The following LRRC4C variants were observed in gnomAD, a reference collection of about 807,000 sequenced individuals.
LRRC4C encodes leucine-rich repeat-containing protein 4C.
Under a neutral mutation model 33.6 loss-of-function variants are expected in LRRC4C, and 5 were observed. The observed-to-expected ratio is 0.15, with a 90% CI of 0.08 to 0.31. The LOEUF is 0.31. Ranked by LOEUF, LRRC4C falls within the 10% of genes least tolerant of loss-of-function variation. The probability of loss-of-function intolerance (pLI) is 1.00; values close to 1 mark genes in which losing one functional copy is unlikely to be tolerated. For synonymous variants in LRRC4C, 329 were observed against 302.0 expected (o/e 1.09, Z -0.93); for missense variants, 560 against 796.7 (o/e 0.70, Z 3.58).
At chr11:40,736,120 A>G (rs1460658478) in intron 2 of LRRC4C, among the ~76,000 whole-genome samples, 1 of 152,000 alleles carries the variant, frequency 6.6e-6, no homozygotes, top group East Asian at 1.9e-4. Context: ...CCCATCAAGC[A>G]GTCATTTACA....
In LRRC4C at chr11:41,131,629, A is replaced by G. The variant is rs192871112; in HGVS notation, c.-495-197906T>C. On this transcript the variant is annotated intron_variant, in intron 1 of 6. Coordinates refer to ENST00000528697, the MANE Select transcript of LRRC4C (RefSeq NM_001258419.2). Reference sequence around the variant, plus strand: ...ACTAAGTAAAATAAGGCTGAGACCTACAGGGCTGCATTCCCAGGAGGTTAG... The same window carrying G: ...ACTAAGTAAAATAAGGCTGAGACCTGCAGGGCTGCATTCCCAGGAGGTTAG... 2.6e-5 allele frequency among the ~76,000 whole-genome samples: 4 copies of G among 152,090 alleles called. No homozygotes were observed. In the East Asian group the frequency reaches 7.7e-4, roughly 29 times the overall value.
intron 1 of LRRC4C, among the ~76,000 whole-genome samples, chr11:41,154,038 G>C (rs776092003): frequency 7.9e-5 from 12 of 152,262 alleles, no homozygotes; most frequent in Admixed American, 2.6e-4. Context: ...GTCACCTAGA[G>C]CTTGAAACGG....
chr11:41,442,470 T>TC (rs1590293973), intron 1 of LRRC4C, among the ~76,000 whole-genome samples: 3 of 124,208 alleles, frequency 2.4e-5, no homozygotes, highest in South Asian at 3.0e-4. Flanking sequence ...TTTTTTTTTT[T>TC]TTTTTTTTTT....
At chr11:40,882,575 C>A (rs1955237939) in intron 2 of LRRC4C, among the ~76,000 whole-genome samples, 1 of 152,030 alleles carries the variant, frequency 6.6e-6, no homozygotes, top group African/African-American at 2.4e-5. Flanking sequence ...CTTGGAACTT[C>A]CATTTTTTTC....
intron 3 of LRRC4C, among the ~76,000 whole-genome samples, chr11:40,340,419 C>T (rs1278002930): frequency 6.6e-6 from 1 of 152,148 alleles, no homozygotes; most frequent in African/African-American, 2.4e-5. Context: ...CTTTTACCCA[C>T]CTTGCTCACT....
At chr11:41,090,997 C>T (rs572205855) in intron 1 of LRRC4C, among the ~76,000 whole-genome samples, 1 of 152,204 alleles carries the variant, frequency 6.6e-6, no homozygotes, top group African/African-American at 2.4e-5. Context: ...TAATCATTAA[C>T]TTGCAGCACA....
intron 1 of LRRC4C, among the ~76,000 whole-genome samples, chr11:41,404,543 C>G (rs1056070714): frequency 3.8e-5 from 4 of 105,192 alleles, no homozygotes; most frequent in African/African-American, 4.0e-5. Flanking sequence ...CAGACACACA[C>G]ACACACACAC....
At chr11:40,925,176 TTTGCTTCCCCTGTCAATCTTC>T (rs1423750582) in intron 2 of LRRC4C, among the ~76,000 whole-genome samples, 7 of 152,076 alleles carry the variant, frequency 4.6e-5, no homozygotes. Context: ...CATCTTCTTC[TTTGCTTCCCCTGTCAATCTTC>T]TTCATTCAAT....
intron 3 of LRRC4C, among the ~76,000 whole-genome samples, chr11:40,440,058 G>T (rs2137951796): frequency 6.6e-6 from 1 of 152,256 alleles, no homozygotes; most frequent in Middle Eastern, 3.4e-3. Context: ...AGATAGTCTG[G>T]CCTGCATAGT....
intron 1 of LRRC4C, among the ~76,000 whole-genome samples, chr11:41,225,566 A>G (rs568814005): frequency 3.3e-5 from 5 of 152,312 alleles, no homozygotes; most frequent in African/African-American, 9.6e-5. Flanking sequence ...TGGGAGGCCA[A>G]GGTGAGAGGA....
At chr11:41,221,410 G>A (rs745317074) in intron 1 of LRRC4C, among the ~76,000 whole-genome samples, 5 of 152,096 alleles carry the variant, frequency 3.3e-5, no homozygotes, top group African/African-American at 4.8e-5. Context: ...AGCAGATGCT[G>A]GCAAGGTTGT....
chr11:40,444,977 T>A (rs1459025815), intron 3 of LRRC4C, among the ~76,000 whole-genome samples: 2 of 152,212 alleles, frequency 1.3e-5, no homozygotes, highest in Non-Finnish European at 2.9e-5. Flanking sequence ...TCTTCTTTCT[T>A]AAATCTTAGT....
chr11:41,157,428 GA>G (rs760743840), intron 1 of LRRC4C, among the ~76,000 whole-genome samples: 15 of 151,392 alleles, frequency 9.9e-5, no homozygotes, highest in South Asian at 2.1e-4. Context: ...ACCATATATG[GA>G]AAAAAAAGAA....
intron 1 of LRRC4C, among the ~76,000 whole-genome samples, chr11:41,178,638 T>G (rs575174264): frequency 1.3e-5 from 2 of 152,246 alleles, no homozygotes; most frequent in Non-Finnish European, 2.9e-5. Flanking sequence ...TTTATAGGCA[T>G]GAACCACGTT....
At chr11:40,773,994 T>C (rs1949871545) in intron 2 of LRRC4C, among the ~76,000 whole-genome samples, 1 of 152,110 alleles carries the variant, frequency 6.6e-6, no homozygotes, top group Non-Finnish European at 1.5e-5. Context: ...CCCATGCCCA[T>C]CAAGCAATCA....
At chr11:40,289,131 T>C (rs192899419) in intron 4 of LRRC4C, among the ~76,000 whole-genome samples, 2 of 152,202 alleles carry the variant, frequency 1.3e-5, no homozygotes, top group Admixed American at 1.3e-4. Flanking sequence ...CAAATGAGGA[T>C]CCTGGCAACC....
intron 2 of LRRC4C, among the ~76,000 whole-genome samples, chr11:40,790,796 A>T (rs1039894726): frequency 9.9e-5 from 15 of 152,228 alleles, no homozygotes; most frequent in African/African-American, 3.6e-4. Context: ...ATAAATATGC[A>T]GACTACTAAT....
At chr11:40,368,364 G>A (rs1467213847) in intron 3 of LRRC4C, among the ~76,000 whole-genome samples, 1 of 152,106 alleles carries the variant, frequency 6.6e-6, no homozygotes, top group African/African-American at 2.4e-5. Context: ...GTGTTTGGAT[G>A]AGAGTACATG....
chr11:41,416,536 G>A (rs1429430185), intron 1 of LRRC4C, among the ~76,000 whole-genome samples: 2 of 151,962 alleles, frequency 1.3e-5, no homozygotes, highest in Non-Finnish European at 2.9e-5. Context: ...TCTAAACAAA[G>A]CAAAGCAAAT....
Sources: allele counts gnomAD v4.1 joint callset (sites outside exome capture counted in the v4.1 genomes callset), GRCh38; gene constraint gnomAD v4.1.1; transcripts MANE v1.5; gene names NCBI Gene and HGNC (gene_info 2026-07-23, HGNC 2026-07-21).